The following KCNC4 variants were observed in gnomAD, a reference collection of about 807,000 sequenced individuals.
The protein encoded by KCNC4 is potassium voltage-gated channel subfamily C member 4, also known as voltage-gated potassium channel KCNC4.
Under a neutral mutation model 42.8 loss-of-function variants are expected in KCNC4, and 23 were observed. The ratio of observed to expected loss-of-function variants is 0.54; its 90% CI spans 0.39 to 0.76. KCNC4 has a LOEUF of 0.76. Among genes scored for constraint, KCNC4 ranks in the 30% least tolerant of loss-of-function variants. The probability of loss-of-function intolerance (pLI) is 0.00; values close to 1 mark genes in which losing one functional copy is unlikely to be tolerated. For synonymous variants in KCNC4, 422 were observed against 393.5 expected, an observed-to-expected ratio of 1.07 and a Z score of -0.86; for missense variants, 751 against 898.2, an observed-to-expected ratio of 0.84 and a Z score of 2.10.
chr1:110,259,583 C>T (rs961533621), intron 1 of KCNC4, among the ~76,000 whole-genome samples: 4 of 152,100 alleles, frequency 2.6e-5, no homozygotes, highest in African/African-American at 7.2e-5. Flanking sequence ...AAGAAAGGCC[C>T]AAGAGGCTGC....
chr1:110,251,647 G>A (rs1174982883), downstream of KCNC4, among the ~76,000 whole-genome samples: 1 of 152,164 alleles, frequency 6.6e-6, no homozygotes, highest in Non-Finnish European at 1.5e-5. Context: ...GTAAGCATTT[G>A]GGATTATTTA....
chr1:110,213,197 A>AAAAAAC (rs869067205), intron 1 of KCNC4, among the ~76,000 whole-genome samples: 1 of 147,162 alleles, frequency 6.8e-6, no homozygotes, highest in Non-Finnish European at 1.5e-5. Context: ...AAAAAAAAAA[A>AAAAAAC]TCCCTGAAGG....
chr1:110,265,367 TAAAATA>T (rs1021589462), intron 1 of KCNC4, among the ~76,000 whole-genome samples: 1 of 45,586 alleles, frequency 2.2e-5, no homozygotes, highest in East Asian at 3.4e-4. Context: ...TAAAATAAAA[TAAAATA>T]AAATAAAATA....
downstream of KCNC4, among the ~76,000 whole-genome samples, chr1:110,253,960 T>G (rs1475621904): frequency 1.3e-5 from 2 of 151,936 alleles, no homozygotes; most frequent in African/African-American, 4.8e-5. Context: ...GAGCCACCAA[T>G]AGAGGCAGGT....
chr1:110,211,260 G>A lies in KCNC4; in HGVS notation c.-240G>A. ...ACTTCCCCGGGTCCTCCCTCTCTGCGCCTCCCTCTCTCCGGAGCTTCCTGC... is the reference window on the plus strand; with the variant it reads ...ACTTCCCCGGGTCCTCCCTCTCTGCACCTCCCTCTCTCCGGAGCTTCCTGC... On this transcript the variant is annotated 5_prime_UTR_variant, in exon 1 of 4. Transcript: ENST00000438661. The surrounding 1 kb of genome is among the most constrained non-coding windows in gnomAD (Gnocchi z 6.5). 1 of 558,910 alleles carries A rather than the reference G, an allele frequency of 1.8e-6. No individual in the cohort carries two copies. The highest frequency in any genetic ancestry group is 3.1e-6 in the Non-Finnish European group (1 of 320,118). The allele number at this position is 558,910 out of a possible 1,614,324, so 34.6% of individuals were successfully genotyped here. A position where few individuals can be genotyped will look rare whatever the true frequency, so the allele number is the denominator to read the frequency against.
At position 110,211,574 on chromosome 1, in the gene KCNC4, G is replaced by C; in HGVS notation, c.75G>C (p.Leu25=). The C allele has an allele frequency of 1.2e-6, 2 of 1,614,142 alleles. No homozygotes were observed. Among genetic ancestry groups the C allele is most frequent in the Non-Finnish European group, 1.7e-6 (2 of 1,179,996 alleles). Residue 25 remains leucine (L), a synonymous_variant, in exon 1 of 4, where the codon CTG becomes CTC. Transcript: ENST00000438661. The surrounding 1 kb of genome is among the most constrained non-coding windows in gnomAD (Gnocchi z 6.5). The part of the protein sequence containing the change: ...SGNKPPSKTC[L]KEEMAKGEAS... The stretch of plus-strand genomic sequence containing the variant: ...ACAAGCCTCCGTCCAAAACATGTCT[G>C]AAGGAGGAGATGGCCAAGGGCGAGG...
intron 1 of KCNC4, among the ~76,000 whole-genome samples, chr1:110,266,995 A>G (rs4839278): frequency 6.6e-6 from 1 of 152,002 alleles, no homozygotes; most frequent in Non-Finnish European, 1.5e-5. Flanking sequence ...CCTGCAGCAA[A>G]ACAAACTGCA....
chr1:110,237,914 C>T (rs912601880), downstream of KCNC4: 2 of 152,280 alleles, frequency 1.3e-5, no homozygotes, highest in Non-Finnish European at 1.5e-5. Flanking sequence ...ACTTTCTTTC[C>T]GTTCCTGGCT....
intron 1 of KCNC4, among the ~76,000 whole-genome samples, chr1:110,266,744 A>T (rs1448191756): frequency 6.6e-6 from 1 of 152,040 alleles, no homozygotes; most frequent in South Asian, 2.1e-4. Context: ...TGCTCTTTGT[A>T]TGGGCCCCAT....
intron 3 of KCNC4, among the ~76,000 whole-genome samples, chr1:110,227,344 G>C (rs1403175949): frequency 6.6e-6 from 1 of 152,160 alleles, no homozygotes; most frequent in Non-Finnish European, 1.5e-5. Context: ...AGACCTTTCA[G>C]TACCACTCTC....
At chr1:110,229,935 A>T (rs1168116088) in intron 3 of KCNC4, among the ~76,000 whole-genome samples, 1 of 152,188 alleles carries the variant, frequency 6.6e-6, no homozygotes, top group African/African-American at 2.4e-5. Context: ...ATGACTAAGT[A>T]AGGTCCAGAT....
intron 1 of KCNC4, among the ~76,000 whole-genome samples, chr1:110,279,991 G>A (rs1659793412): frequency 6.6e-6 from 1 of 151,952 alleles, no homozygotes; most frequent in Admixed American, 6.6e-5. Context: ...GTTTCATCAT[G>A]TTGGCCAGGC....
At chr1:110,232,890 A>C (rs1487353835) in intron 3 of KCNC4, 21 bp from the exon 4 acceptor site, 2 of 1,606,362 alleles carry the variant, frequency 1.2e-6, no homozygotes, top group Non-Finnish European at 1.7e-6. Context: ...AGTGTCTCAC[A>C]CCTGTGCTCT....
At chr1:110,231,319 C>T (rs1452178114) in intron 3 of KCNC4, among the ~76,000 whole-genome samples, 1 of 152,208 alleles carries the variant, frequency 6.6e-6, no homozygotes, top group African/African-American at 2.4e-5. Context: ...CTCTGAAATC[C>T]CTGCCCCACC....
chr1:110,276,299 C>CAAAAAAAAAAAAAAA (rs3062031), intron 1 of KCNC4, among the ~76,000 whole-genome samples: 1 of 98,894 alleles, frequency 1.0e-5, no homozygotes. Context: ...TCAATTTATA[C>CAAAAAAAAAAAAAAA]AAAAAAAAAA....
chr1:110,254,896 C>A, intron 1 of KCNC4, among the ~76,000 whole-genome samples: 1 of 152,254 alleles, frequency 6.6e-6, no homozygotes, highest in East Asian at 1.9e-4. Flanking sequence ...GTAGCAATGC[C>A]ATTCCAGTCC....
downstream of KCNC4, among the ~76,000 whole-genome samples, chr1:110,283,571 C>A (rs577059611): frequency 6.6e-6 from 1 of 152,276 alleles, no homozygotes; most frequent in South Asian, 2.1e-4. Context: ...CTTTTCTGGA[C>A]GCCTAGCAGA....
chr1:110,233,103 A>G lies in KCNC4; in HGVS notation c.*131A>G. The G allele has an allele frequency of 8.3e-7, 1 of 1,210,818 alleles. No individual in the cohort carries two copies. The highest frequency in any genetic ancestry group is 1.2e-6 in the Non-Finnish European group (1 of 860,496). 75.0% of individuals were successfully genotyped at this position (1,210,818 alleles called of 1,614,324 possible). On this transcript the variant is annotated 3_prime_UTR_variant, in exon 4 of 4. Transcript: ENST00000438661. ...CCTTGTTTGCACAGGACTGGTGGAA[A>G]ATCTCCCATGCGACCCTCGGGGCCC...
chr1:110,223,153 C>T lies in KCNC4; in HGVS notation c.868C>T (p.Leu290=). 1.2e-6 allele frequency: 2 copies of T among 1,614,234 alleles called. No individual in the cohort carries two copies. Among genetic ancestry groups the T allele is most frequent in the Non-Finnish European group, 1.7e-6 (2 of 1,180,040 alleles). Residue 290 remains leucine, a synonymous_variant, in exon 2 of 4, where the codon CTG becomes TTG. Transcript: ENST00000438661. This position sits in a 1 kb window ranked among gnomAD's most constrained non-coding sequence, Gnocchi z 7.5. The part of the protein sequence containing the change: ...ILTYIEGVCV[L]WFTLEFLVRI... The stretch of plus-strand genomic sequence containing the variant: ...GACCTACATCGAGGGCGTATGTGTG[C>T]TGTGGTTCACACTGGAGTTCCTGGT...
Sources: allele counts gnomAD v4.1 joint callset (sites outside exome capture counted in the v4.1 genomes callset), GRCh38; gene constraint gnomAD v4.1.1; non-coding constraint Gnocchi (gnomAD v3.1); transcripts MANE v1.5; gene names NCBI Gene and HGNC (gene_info 2026-07-23, HGNC 2026-07-21).